Variants in DCAF1 observed in about 807,000 individuals in gnomAD.
The protein encoded by DCAF1 is DDB1- and CUL4-associated factor 1.
DCAF1 carries 15 observed loss-of-function variants against 128.0 expected under a neutral mutation model. The observed-to-expected ratio is 0.12, with a 90% confidence interval of 0.08 to 0.18. The LOEUF (loss-of-function observed/expected upper bound fraction) is 0.18, where lower values mean the gene tolerates loss of function less well. Among genes scored for constraint, DCAF1 ranks in the 10% least tolerant of loss-of-function variants. The probability of loss-of-function intolerance (pLI) is 1.00; values close to 1 mark genes in which losing one functional copy is unlikely to be tolerated. For synonymous variants in DCAF1, 610 were observed against 603.0 expected (o/e 1.01, Z -0.17); for missense variants, 988 against 1,649.5 (o/e 0.60, Z 6.95).
chr3:51,405,435 T>C (rs1311677964), intron 23 of DCAF1, among the ~76,000 whole-genome samples: 3 of 152,200 alleles, frequency 2.0e-5, no homozygotes, highest in African/African-American at 4.8e-5. Context: ...TTTTACTTAA[T>C]TTTATAGCAG....
chr3:51,473,470 G>A lies in DCAF1; in HGVS notation c.111-2465C>T, dbSNP rs1290138762. 6.2e-4 allele frequency among the ~76,000 whole-genome samples: 35 copies of A among 56,358 alleles called. 1 individual carries two copies. The highest frequency in any genetic ancestry group is 7.8e-4 in the African/African-American group (10 of 12,756). The allele number at this position is 56,358 out of a possible 152,430, so 37.0% of individuals were successfully genotyped here. Reference sequence around the variant, plus strand: ...TTAAGAAACAGGGTCTAGCATGGGCGACAGAATGAGACTCCATCTCAAAAA... The same window carrying A: ...TTAAGAAACAGGGTCTAGCATGGGCAACAGAATGAGACTCCATCTCAAAAA... On this transcript the variant is annotated intron_variant, in intron 3 of 24. Coordinates refer to ENST00000684031, the MANE Select transcript of DCAF1 (RefSeq NM_001387579.1).
At chr3:51,406,314 A>G (rs2090103490) in intron 23 of DCAF1, among the ~76,000 whole-genome samples, 1 of 134,336 alleles carries the variant, frequency 7.4e-6, no homozygotes. Flanking sequence ...CTGCACTCCA[A>G]CCTGGACAAC....
chr3:51,486,564 C>A (rs1035114483), intron 2 of DCAF1, among the ~76,000 whole-genome samples: 1 of 152,054 alleles, frequency 6.6e-6, no homozygotes, highest in African/African-American at 2.4e-5. Context: ...ATATGGACTT[C>A]TGACTTCAAC....
chr3:51,503,429 T>A (rs1577359853), upstream of DCAF1, among the ~76,000 whole-genome samples: 1 of 152,116 alleles, frequency 6.6e-6, no homozygotes, highest in South Asian at 2.1e-4. Context: ...TCCCAGCACC[T>A]CCTTCTAGGC....
chr3:51,451,697 G>A (rs1413107415), intron 6 of DCAF1, among the ~76,000 whole-genome samples: 2 of 151,574 alleles, frequency 1.3e-5, no homozygotes, highest in Admixed American at 6.6e-5. Flanking sequence ...GGGAGGCAGA[G>A]GTTGCAGTGA....
chr3:51,410,884 G>A lies in DCAF1; in HGVS notation c.4212+1495C>T, dbSNP rs1013597075. Among the ~76,000 whole-genome samples, 17 of 152,184 alleles carry A rather than the reference G, an allele frequency of 1.1e-4. No homozygotes were observed. In the East Asian group the frequency reaches 1.3e-3, roughly 12 times the overall value. ...AAAGAGGAGACAAAGCTGGCTGGGC[G>A]TGGTGGCTCATGCCTGTAATCCCAG... On this transcript the variant is annotated intron_variant, in intron 23 of 24. Transcript: ENST00000684031.
intron 2 of DCAF1, 131 bp from the exon 3 acceptor site, chr3:51,483,967 C>T: frequency 1.5e-6 from 1 of 646,224 alleles, no homozygotes; most frequent in Non-Finnish European, 2.7e-6. Flanking sequence ...CCCCTTGAAC[C>T]CTTTGGATTT....
At chr3:51,442,460 G>A (rs536410747) in intron 7 of DCAF1, among the ~76,000 whole-genome samples, 3 of 152,162 alleles carry the variant, frequency 2.0e-5, no homozygotes, top group African/African-American at 7.2e-5. Context: ...TAATTTGGGA[G>A]GCCAAGATGG....
At chr3:51,425,288 T>C (rs927479426) in intron 13 of DCAF1, among the ~76,000 whole-genome samples, 2 of 151,920 alleles carry the variant, frequency 1.3e-5, no homozygotes, top group African/African-American at 4.8e-5. Context: ...CTGGCCAACA[T>C]GGCAAAACCC....
intron 3 of DCAF1, among the ~76,000 whole-genome samples, chr3:51,471,385 A>G: frequency 6.6e-6 from 1 of 151,576 alleles, no homozygotes; most frequent in East Asian, 2.0e-4. Flanking sequence ...GGGTTTCACC[A>G]TGCTAGCCAG....
intron 5 of DCAF1, 71 bp from the exon 6 acceptor site, chr3:51,463,298 CCTCAACATATTCCCATTACTTT>C: frequency 1.1e-6 from 1 of 883,768 alleles, no homozygotes; most frequent in South Asian, 2.1e-5. Flanking sequence ...TCTAATAAAA[CCTCAACATATTCCCATTACTTT>C]CTTAACGGGT....
intron 13 of DCAF1, among the ~76,000 whole-genome samples, chr3:51,423,837 GAA>G (rs1699656217): frequency 6.9e-6 from 1 of 145,494 alleles, no homozygotes; most frequent in Non-Finnish European, 1.5e-5. Flanking sequence ...AAAAAAAAAA[GAA>G]AGAAAGAAAT....
intron 2 of DCAF1, among the ~76,000 whole-genome samples, chr3:51,491,926 G>C (rs569775408): frequency 2.0e-5 from 3 of 152,040 alleles, no homozygotes; most frequent in South Asian, 2.1e-4. Context: ...GGGAGGCCGA[G>C]GTGGGCAGAT....
chr3:51,491,310 T>C (rs1283644030), intron 2 of DCAF1, among the ~76,000 whole-genome samples: 1 of 148,572 alleles, frequency 6.7e-6, no homozygotes, highest in Non-Finnish European at 1.5e-5. Flanking sequence ...ATTGCGCCAC[T>C]GCACTCCAGC....
intron 23 of DCAF1, among the ~76,000 whole-genome samples, chr3:51,410,426 A>T (rs1390179885): frequency 1.3e-5 from 2 of 152,212 alleles, no homozygotes; most frequent in Non-Finnish European, 2.9e-5. Context: ...TCTTTGATGT[A>T]CAGGTGATGC....
chr3:51,403,117 C>T (rs782681601), intron 24 of DCAF1, 26 bp downstream of exon 24: 4 of 1,583,198 alleles, frequency 2.5e-6, no homozygotes, highest in Non-Finnish European at 3.4e-6. Flanking sequence ...TGCCAAGGCT[C>T]AGCCTGAACT....
At chr3:51,428,733 C>T (rs1362025247) in intron 12 of DCAF1, among the ~76,000 whole-genome samples, 1 of 152,066 alleles carries the variant, frequency 6.6e-6, no homozygotes, top group Admixed American at 6.6e-5. Context: ...GTGGCTCACA[C>T]CTGTAATTCT....
At chr3:51,443,386 C>G (rs574957638) in intron 7 of DCAF1, among the ~76,000 whole-genome samples, 1 of 152,032 alleles carries the variant, frequency 6.6e-6, no homozygotes, top group African/African-American at 2.4e-5. Flanking sequence ...GTCAGGAGTT[C>G]GAGACCAGCC....
At chr3:51,424,871 G>A (rs1373454524) in intron 13 of DCAF1, among the ~76,000 whole-genome samples, 15 of 152,108 alleles carry the variant, frequency 9.9e-5, no homozygotes, top group Admixed American at 3.3e-4. Context: ...TTCAGAAGAT[G>A]GGTGACTCTG....
Sources: allele counts gnomAD v4.1 joint callset (sites outside exome capture counted in the v4.1 genomes callset), GRCh38; gene constraint gnomAD v4.1.1; transcripts MANE v1.5; gene names NCBI Gene and HGNC (gene_info 2026-07-23, HGNC 2026-07-21).